Variants in TOMM5 observed in about 807,000 individuals in gnomAD.
TOMM5 encodes translocase of outer mitochondrial membrane 5.
TOMM5 carries 1 observed loss-of-function variant against 4.8 expected under a neutral mutation model. The ratio of observed to expected loss-of-function variants is 0.21; its 90% CI spans 0.07 to 0.99. TOMM5 has a LOEUF of 0.99. Ranked by LOEUF, TOMM5 falls within the 50% of genes least tolerant of loss-of-function variation. TOMM5 has a pLI of 0.60. For synonymous variants in TOMM5, 26 were observed against 26.7 expected (o/e 0.97, Z 0.08); for missense variants, 60 against 66.6 (o/e 0.90, Z 0.35).
At position 37,592,421 on chromosome 9, in the gene TOMM5, G is replaced by C. The variant is rs1823121447; in HGVS notation, c.112C>G (p.Leu38Val). Residue 38 changes from leucine (L) to valine (V), a missense_variant, in exon 1 of 2, where the codon CTG becomes GTG. Coordinates refer to ENST00000321301, the MANE Select transcript of TOMM5 (RefSeq NM_001001790.3). ...IRNFLIYVAL[L>V]RVTPFILKKL... is the part of the protein sequence containing the mutation. Reference sequence around the variant, plus strand: ...CCCGGGAGACACTCACTGACTCGCAGGAGGGCCACGTAGATGAGAAAGTTC... The same window carrying C: ...CCCGGGAGACACTCACTGACTCGCACGAGGGCCACGTAGATGAGAAAGTTC... The C allele has an allele frequency of 6.2e-7, 1 of 1,614,028 alleles. No homozygotes were observed. The highest frequency in any genetic ancestry group is 1.1e-5 in the South Asian group (1 of 91,054).
At chr9:37,589,187 TA>T (rs1823062609) in intron 1 of TOMM5, among the ~76,000 whole-genome samples, 1 of 152,234 alleles carries the variant, frequency 6.6e-6, no homozygotes, top group South Asian at 2.1e-4. Flanking sequence ...CTTAGGGCCA[TA>T]AAGTATAAAT....
rs11544294 is a variant in TOMM5, at chr9:37,592,559, C to T, written c.-27G>A. On this transcript the variant is annotated 5_prime_UTR_variant, in exon 1 of 2. Transcript: ENST00000321301. ...GCGGCTCTGACTTAGCAGCTTCCAG[C>T]CGCCGCGCTCTGCTCTCCACGGTGG... is the stretch of plus-strand genomic sequence containing the variant. The T allele has an allele frequency of 6.2e-7, 1 of 1,604,060 alleles. No individual in the cohort carries two copies. Among genetic ancestry groups the T allele is most frequent in the South Asian group, 1.1e-5 (1 of 90,300 alleles).
rs895080009 is a variant in TOMM5, at chr9:37,588,928, T to C, written c.126A>G (p.Pro42=). 1.6e-5 allele frequency: 25 copies of C among 1,612,828 alleles called. No homozygotes were observed. In the Middle Eastern group the frequency reaches 1.2e-3, roughly 74 times the overall value. The part of the protein sequence containing the change: ...LIYVALLRVT[P]FILKKLDSI Reference sequence around the variant, plus strand: ...TGCTGTCCAATTTCTTTAAGATAAATGGAGCTGAAAGAAAAACAAATCTAA... The same window carrying C: ...TGCTGTCCAATTTCTTTAAGATAAACGGAGCTGAAAGAAAAACAAATCTAA... The change falls in exon 2 of 2, where the codon CCA becomes CCG. Residue 42 remains proline, a synonymous_variant. Transcript: ENST00000321301.
Position 37,588,509 on chromosome 9 carries a change from A to G in TOMM5, c.*389T>C, listed in dbSNP as rs906811604. The G allele has an allele frequency of 2.8e-6, 1 of 354,090 alleles. No individual in the cohort carries two copies. The highest frequency in any genetic ancestry group is 2.5e-5 in the South Asian group (1 of 40,730). 21.9% of individuals were successfully genotyped at this position (354,090 alleles called of 1,614,324 possible). On this transcript the variant is annotated 3_prime_UTR_variant, in exon 2 of 2. Coordinates refer to ENST00000321301, the MANE Select transcript of TOMM5 (RefSeq NM_001001790.3). ...TGTGCTGATTTCCACAAAACATAATATAAGAGACTCTTCACAAATACACTC... is the reference window on the plus strand; with the variant it reads ...TGTGCTGATTTCCACAAAACATAATGTAAGAGACTCTTCACAAATACACTC...
chr9:37,588,960 T>C, intron 1 of TOMM5, 28 bp from the exon 2 acceptor site: 1 of 1,586,736 alleles, frequency 6.3e-7, no homozygotes, highest in Non-Finnish European at 8.6e-7. Flanking sequence ...CTAAAATTAG[T>C]TTTCAAATCT....
chr9:37,592,344 T>C (rs1183535834), intron 1 of TOMM5, 68 bp downstream of exon 1: 10 of 1,608,606 alleles, frequency 6.2e-6, no homozygotes, highest in African/African-American at 1.3e-5. Context: ...GATGACCCCT[T>C]AGAGTTAAGG....
Position 37,592,399 on chromosome 9 carries a change from G to A in TOMM5, c.121+13C>T, listed in dbSNP as rs79202229. 9.1e-4 allele frequency: 1,465 copies of A among 1,613,966 alleles called. 14 individuals are homozygous for A. The African/African-American group carries it at 0.017, about 19-fold the overall frequency. ...CCCGCTGGTCTCACAGTCACAGCCC[G>A]GGAGACACTCACTGACTCGCAGGAG... On this transcript the variant is annotated intron_variant, in intron 1 of 1. Coordinates refer to ENST00000321301, the MANE Select transcript of TOMM5 (RefSeq NM_001001790.3).
At chr9:37,589,832 A>G (rs1214328392) in intron 1 of TOMM5, among the ~76,000 whole-genome samples, 1 of 152,164 alleles carries the variant, frequency 6.6e-6, no homozygotes, top group Non-Finnish European at 1.5e-5. Context: ...CAATTTCTTA[A>G]TATTAAACTG....
Position 37,588,480 on chromosome 9 carries a change from G to A in TOMM5, c.*418C>T. On this transcript the variant is annotated 3_prime_UTR_variant, in exon 2 of 2. Transcript: ENST00000321301. ...GATCCTGTGCTTAAATGTCATTGTG[G>A]TTGTGTGCTGATTTCCACAAAACAT... The A allele has an allele frequency of 3.4e-6, 1 of 297,270 alleles. No individual in the cohort carries two copies. The highest frequency in any genetic ancestry group is 4.7e-5 in the Admixed American group (1 of 21,066). 18.4% of individuals were successfully genotyped at this position (297,270 alleles called of 1,614,324 possible). A position where few individuals can be genotyped will look rare whatever the true frequency, so the allele number is the denominator to read the frequency against.
chr9:37,592,250 G>C, intron 1 of TOMM5, 162 bp downstream of exon 1: 3 of 1,545,114 alleles, frequency 1.9e-6, no homozygotes, highest in Non-Finnish European at 2.6e-6. Context: ...CTGACCCGCA[G>C]ACCTCAAACC....
Position 37,592,565 on chromosome 9 carries a change from C to G in TOMM5, c.-33G>C. ...CTGACTTAGCAGCTTCCAGCCGCCG[C>G]GCTCTGCTCTCCACGGTGGCCGCCT... On this transcript the variant is annotated 5_prime_UTR_variant, in exon 1 of 2. Transcript: ENST00000321301. The G allele has an allele frequency of 6.2e-7, 1 of 1,601,508 alleles. No individual in the cohort carries two copies. The highest frequency in any genetic ancestry group is 8.5e-7 in the Non-Finnish European group (1 of 1,172,924).
intron 1 of TOMM5, 106 bp downstream of exon 1, chr9:37,592,306 C>A: frequency 3.8e-6 from 6 of 1,577,612 alleles, no homozygotes; most frequent in Non-Finnish European, 5.2e-6. Context: ...TTGCTCCCCG[C>A]TACCGTTCAG....
Position 37,592,460 on chromosome 9 carries a change from T to C in TOMM5, c.73A>G (p.Ile25Val), listed in dbSNP as rs1217594930. Residue 25 changes from isoleucine to valine, a missense_variant, in exon 1 of 2, where the codon ATC becomes GTC. Ile to Val is a conservative substitution (Grantham distance 29, BLOSUM62 3). Coordinates refer to ENST00000321301, the MANE Select transcript of TOMM5 (RefSeq NM_001001790.3). ...EMKRKMREDV[I>V]SSIRNFLIYV... is the part of the protein sequence containing the mutation. ...ATGAGAAAGTTCCGTATGGAGGAGA[T>C]CACATCCTCGCGCATCTTCCGTTTC... 1.9e-6 allele frequency: 3 copies of C among 1,613,980 alleles called. No homozygotes were observed. The highest frequency in any genetic ancestry group is 2.5e-6 in the Non-Finnish European group (3 of 1,180,012).
Position 37,588,626 on chromosome 9 carries a change from A to G in TOMM5, c.*272T>C, listed in dbSNP as rs1222199597. 4 of 592,228 alleles carry G rather than the reference A, an allele frequency of 6.8e-6. No individual in the cohort carries two copies. Among genetic ancestry groups the G allele is most frequent in the African/African-American group, 5.5e-5 (3 of 54,064 alleles). The allele number at this position is 592,228 out of a possible 1,614,324, so 36.7% of individuals were successfully genotyped here. ...AATACTTGCTAGAAAACGGAGTTTG[A>G]CATTATTTACAATTATACCAGTATT... is the stretch of plus-strand genomic sequence containing the variant. On this transcript the variant is annotated 3_prime_UTR_variant, in exon 2 of 2. Transcript: ENST00000321301.
chr9:37,592,112 C>CG, intron 1 of TOMM5: 1 of 1,116,860 alleles, frequency 9.0e-7, no homozygotes, highest in Non-Finnish European at 1.2e-6. Flanking sequence ...GCCTCGGCTT[C>CG]ACAAAGTGCT....
Position 37,592,595 on chromosome 9 carries a change from C to A in TOMM5, c.-63G>T. 3.2e-6 allele frequency: 5 copies of A among 1,570,374 alleles called. No homozygotes were observed. Among genetic ancestry groups the A allele is most frequent in the Non-Finnish European group, 4.3e-6 (5 of 1,158,338 alleles). On this transcript the variant is annotated 5_prime_UTR_variant, in exon 1 of 2. Coordinates refer to ENST00000321301, the MANE Select transcript of TOMM5 (RefSeq NM_001001790.3). ...TGCTCTCCACGGTGGCCGCCTCGCG[C>A]CCGGAACTCGGCCTATCCTCACTTC...
chr9:37,590,973 A>G (rs1051918991), intron 1 of TOMM5, among the ~76,000 whole-genome samples: 1 of 152,218 alleles, frequency 6.6e-6, no homozygotes, highest in Non-Finnish European at 1.5e-5. Flanking sequence ...CGCTCCATCC[A>G]GACTGGCTGG....
At position 37,588,821 on chromosome 9, in the gene TOMM5, G is replaced by A; in HGVS notation, c.*77C>T. 1 of 1,395,834 alleles carries A rather than the reference G, an allele frequency of 7.2e-7. No homozygotes were observed. The highest frequency in any genetic ancestry group is 1.0e-6 in the Non-Finnish European group (1 of 981,440). 86.5% of individuals were successfully genotyped at this position (1,395,834 alleles called of 1,614,324 possible). A position where few individuals can be genotyped will look rare whatever the true frequency, so the allele number is the denominator to read the frequency against. Reference sequence around the variant, plus strand: ...CAAAGAGTCTCTTACACCTTTCTGGGCCTATTCACTTGCAGAGAGGAGTCG... The same window carrying A: ...CAAAGAGTCTCTTACACCTTTCTGGACCTATTCACTTGCAGAGAGGAGTCG... On this transcript the variant is annotated 3_prime_UTR_variant, in exon 2 of 2. Transcript: ENST00000321301.
chr9:37,590,898 A>C (rs561431654), intron 1 of TOMM5, among the ~76,000 whole-genome samples: 1 of 152,354 alleles, frequency 6.6e-6, no homozygotes, highest in East Asian at 1.9e-4. Context: ...CTCTGGCCTA[A>C]GCCCAACATG....
Sources: allele counts gnomAD v4.1 joint callset (sites outside exome capture counted in the v4.1 genomes callset), GRCh38; gene constraint gnomAD v4.1.1; transcripts MANE v1.5; gene names NCBI Gene and HGNC (gene_info 2026-07-23, HGNC 2026-07-21).